Variants in DNTTIP2 observed in about 807,000 individuals in gnomAD.
DNTTIP2 encodes deoxynucleotidyltransferase terminal interacting protein 2.
DNTTIP2 carries 47 observed loss-of-function variants against 62.4 expected under a neutral mutation model. The ratio of observed to expected loss-of-function variants is 0.75; its 90% CI spans 0.60 to 0.96. The LOEUF is 0.96. Among genes scored for constraint, DNTTIP2 ranks in the 40% least tolerant of loss-of-function variants. The probability of loss-of-function intolerance (pLI) is 0.00; values close to 1 mark genes in which losing one functional copy is unlikely to be tolerated. For synonymous variants in DNTTIP2, 322 were observed against 300.9 expected (o/e 1.07, Z -0.73); for missense variants, 870 against 849.1 (o/e 1.02, Z -0.31).
chr1:93,871,805 C>A (rs1655869550), intron 5 of DNTTIP2, among the ~76,000 whole-genome samples: 1 of 152,184 alleles, frequency 6.6e-6, no homozygotes, highest in African/African-American at 2.4e-5. Flanking sequence ...ACTATTCATA[C>A]ATTCACATAG....
At chr1:93,875,023 A>G (rs915883223) in intron 3 of DNTTIP2, among the ~76,000 whole-genome samples, 2 of 152,226 alleles carry the variant, frequency 1.3e-5, no homozygotes, top group African/African-American at 4.8e-5. Context: ...AGCCAGAAAA[A>G]AGAATACAAG....
chr1:93,872,160 T>C lies in DNTTIP2; in HGVS notation c.1979A>G (p.Asp660Gly). The C allele has an allele frequency of 6.2e-7, 1 of 1,613,906 alleles. No homozygotes were observed. Among genetic ancestry groups the C allele is most frequent in the Non-Finnish European group, 8.5e-7 (1 of 1,179,822 alleles). The change falls in exon 5 of 7, where the codon GAT (aspartate) becomes GGT (glycine). Residue 660 changes from aspartate to glycine, a missense_variant. Transcript: ENST00000436063. ...GGCTCTCATCTTCAGTGCTTTGAGA[T>C]CATTTTTCAGTTCATTTGTCATTTC... ...APEMTNELKN[D>G]LKALKMRASM...
In DNTTIP2 at chr1:93,877,809, A is replaced by G; in HGVS notation, c.126T>C (p.Asp42=). The G allele has an allele frequency of 6.2e-7, 1 of 1,606,580 alleles. No individual in the cohort carries two copies. The highest frequency in any genetic ancestry group is 8.5e-7 in the Non-Finnish European group (1 of 1,179,860). ...QAHPESSTGS[D]ARTTAESQTT... ...TCTGTGATTCAGCAGTAGTTCGGGC[A>G]TCAGATCCAGTACTACTTTCTGGAT... Residue 42 remains aspartate, a synonymous_variant, in exon 2 of 7, where the codon GAT becomes GAC. Transcript: ENST00000436063.
In DNTTIP2 at chr1:93,877,133, C is replaced by A; in HGVS notation, c.802G>T (p.Asp268Tyr). Residue 268 changes from aspartate to tyrosine, a missense_variant, in exon 2 of 7, where the codon GAT (aspartate) becomes TAT (tyrosine). Transcript: ENST00000436063. ...PNFYNNDFDDDFSHRSSENIL... is the reference protein window; with the variant it reads ...PNFYNNDFDDYFSHRSSENIL... ...TTTTCTGAACTTCTGTGGGAGAAAT[C>A]ATCATCAAAGTCATTATTATAGAAA... The A allele has an allele frequency of 6.2e-7, 1 of 1,611,970 alleles. No individual in the cohort carries two copies. The highest frequency in any genetic ancestry group is 1.1e-5 in the South Asian group (1 of 91,036).
intron 6 of DNTTIP2, among the ~76,000 whole-genome samples, chr1:93,870,173 T>G (rs1475424690): frequency 6.6e-6 from 1 of 152,172 alleles, no homozygotes; most frequent in Non-Finnish European, 1.5e-5. Flanking sequence ...ATGATCTATA[T>G]ATGCACTATA....
chr1:93,876,585 G>C lies in DNTTIP2; in HGVS notation c.1350C>G (p.Ser450Arg). Reference sequence around the variant, plus strand: ...CATTCTCACTGTTTTCAGACTGTTGGCTTTCATCACTGCTGAGAACTAGTA... The same window carrying C: ...CATTCTCACTGTTTTCAGACTGTTGCCTTTCATCACTGCTGAGAACTAGTA... ...SVLLVLSSDE[S>R]QQSENSENEE... Residue 450 changes from serine (S) to arginine (R), a missense_variant, in exon 2 of 7, where the codon AGC becomes AGG. Physicochemically the swap from Ser to Arg is moderately radical, Grantham distance 110. Transcript: ENST00000436063. 6.2e-7 allele frequency: 1 copy of C among 1,613,962 alleles called. No individual in the cohort carries two copies. Among genetic ancestry groups the C allele is most frequent in the Non-Finnish European group, 8.5e-7 (1 of 1,179,888 alleles).
rs536281712 is a variant in DNTTIP2, at chr1:93,868,316, A to C, written c.*1535T>G. On this transcript the variant is annotated 3_prime_UTR_variant, in exon 7 of 7. Transcript: ENST00000436063. The stretch of plus-strand genomic sequence containing the variant: ...ATGAGATACCATCTCATTGCCAGTT[A>C]GAATGGCAATCATTAAAAAGTCAGG... The C allele has an allele frequency of 6.6e-6, 1 of 152,322 alleles. No homozygotes were observed. The highest frequency in any genetic ancestry group is 2.1e-4 in the South Asian group (1 of 4,820). 9.4% of individuals were successfully genotyped at this position (152,322 alleles called of 1,614,324 possible).
chr1:93,877,386 T>C lies in DNTTIP2; in HGVS notation c.549A>G (p.Ile183Met), dbSNP rs369197742. The C allele has an allele frequency of 7.4e-6, 12 of 1,613,770 alleles. No homozygotes were observed. In the African/African-American group the frequency reaches 1.5e-4, roughly 20 times the overall value. ...CTGAGCTTGATGTCTCAGCATCAGA[T>C]ATAGCTTCTGTATGAGATTCTTGGC... ...DPSQESHTEA[I>M]SDAETSSSDI... The change falls in exon 2 of 7, where the codon ATA (isoleucine) becomes ATG (methionine). Residue 183 changes from isoleucine to methionine, a missense_variant. Physicochemically the swap from Ile to Met is conservative, Grantham distance 10. Transcript: ENST00000436063.
Position 93,877,488 on chromosome 1 carries a change from A to C in DNTTIP2, c.447T>G (p.Gly149=), listed in dbSNP as rs1656041659. Residue 149 remains glycine (G), a synonymous_variant, in exon 2 of 7, where the codon GGT becomes GGG. Transcript: ENST00000436063. ...IVSEAESHVS[G]ISRIVLPTEK... ...CTGTAGGAAGCACAATTCTAGAAAT[A>C]CCTGAAACATGAGATTCTGCTTCAG... 6.2e-7 allele frequency: 1 copy of C among 1,613,798 alleles called. No individual in the cohort carries two copies. The highest frequency in any genetic ancestry group is 1.3e-5 in the African/African-American group (1 of 74,908).
chr1:93,879,139 T>C lies in DNTTIP2; in HGVS notation c.10A>G (p.Thr4Ala). 3 of 1,613,154 alleles carry C rather than the reference T, an allele frequency of 1.9e-6. No homozygotes were observed. Among genetic ancestry groups the C allele is most frequent in the South Asian group, 2.2e-5 (2 of 91,068 alleles). Residue 4 changes from threonine to alanine, a missense_variant, in exon 1 of 7, where the codon ACC (threonine) becomes GCC (alanine). Thr to Ala is a moderately conservative substitution (Grantham distance 58, BLOSUM62 0). Coordinates refer to ENST00000436063, the MANE Select transcript of DNTTIP2 (RefSeq NM_014597.5). MVV[T>A]RSARAKASIQ... ...CTGGCCTTAGCCCGTGCAGATCTGG[T>C]AACCACCATCTTTCCGGCTCCCTCG... is the stretch of plus-strand genomic sequence containing the variant.
intron 1 of DNTTIP2, chr1:93,878,840 C>G: frequency 1.9e-6 from 1 of 525,138 alleles, no homozygotes; most frequent in Non-Finnish European, 3.4e-6. Context: ...AGTTGAACGA[C>G]CCAAATAAAG....
rs1174683711 is a variant in DNTTIP2, at chr1:93,877,464, T to C, written c.471A>G (p.Thr157=). Residue 157 remains threonine (T), a synonymous_variant, in exon 2 of 7, where the codon ACA becomes ACG. Transcript: ENST00000436063. ...TTCTTCTGGCTCCTGTAGTTTTTTC[T>C]GTAGGAAGCACAATTCTAGAAATAC... ...VSGISRIVLP[T]EKTTGARRSK... 6.2e-6 allele frequency: 10 copies of C among 1,613,922 alleles called. No homozygotes were observed. The highest frequency in any genetic ancestry group is 6.8e-6 in the Non-Finnish European group (8 of 1,179,866).
At position 93,876,308 on chromosome 1, in the gene DNTTIP2, T is replaced by C; in HGVS notation, c.1627A>G (p.Ser543Gly). Residue 543 changes from serine (S) to glycine (G), a missense_variant, in exon 2 of 7, where the codon AGT (serine) becomes GGT (glycine). Ser to Gly is a moderately conservative substitution (Grantham distance 56, BLOSUM62 0). Transcript: ENST00000436063. The part of the protein sequence containing the change: ...SDHDENEDEF[S>G]DEEDFLNSTK... The stretch of plus-strand genomic sequence containing the variant: ...CTATTTAGGAAGTCTTCTTCATCAC[T>C]AAACTCATCTTCATTTTCGTCATGG... The C allele has an allele frequency of 6.4e-7, 1 of 1,550,864 alleles. No homozygotes were observed.
In DNTTIP2 at chr1:93,868,911, T is replaced by C. The variant is rs1476542314; in HGVS notation, c.*940A>G. The C allele has an allele frequency of 6.6e-6, 1 of 151,880 alleles. No homozygotes were observed. The highest frequency in any genetic ancestry group is 1.5e-5 in the Non-Finnish European group (1 of 68,016). The allele number at this position is 151,880 out of a possible 1,614,324, so 9.4% of individuals were successfully genotyped here. A position where few individuals can be genotyped will look rare whatever the true frequency, so the allele number is the denominator to read the frequency against. Reference sequence around the variant, plus strand: ...GAAATACCTAATGTAGATAGGTTGATGGGTGCAGCAAACCACCATGGCACG... The same window carrying C: ...GAAATACCTAATGTAGATAGGTTGACGGGTGCAGCAAACCACCATGGCACG... On this transcript the variant is annotated 3_prime_UTR_variant, in exon 7 of 7. Coordinates refer to ENST00000436063, the MANE Select transcript of DNTTIP2 (RefSeq NM_014597.5).
At chr1:93,870,587 AT>A (rs146863861) in intron 6 of DNTTIP2, 95 bp downstream of exon 6, 1 of 600,016 alleles carries the variant, frequency 1.7e-6, no homozygotes, top group Non-Finnish European at 2.7e-6. Context: ...ATGGGTTATT[AT>A]AAATGAGTTA....
chr1:93,876,612 G>A lies in DNTTIP2; in HGVS notation c.1323C>T (p.Val441=). The A allele has an allele frequency of 6.2e-7, 1 of 1,613,926 alleles. No individual in the cohort carries two copies. The highest frequency in any genetic ancestry group is 1.3e-5 in the African/African-American group (1 of 75,052). The change falls in exon 2 of 7, where the codon GTC becomes GTT. Residue 441 remains valine, a synonymous_variant. Transcript: ENST00000436063. The stretch of plus-strand genomic sequence containing the variant: ...TTTCATCACTGCTGAGAACTAGTAA[G>A]ACAGAATTATCTTTACCCTGAGATG... ...PNTSQGKDNS[V]LLVLSSDESQ...
At chr1:93,874,191 T>C (rs11165028) in intron 3 of DNTTIP2, among the ~76,000 whole-genome samples, 1 of 152,228 alleles carries the variant, frequency 6.6e-6, no homozygotes, top group South Asian at 2.1e-4. Context: ...GGTTCTCAAC[T>C]GGGAGCATCT....
rs1248317779 is a variant in DNTTIP2, at chr1:93,868,545, CA to C, written c.*1305del. On this transcript the variant is annotated 3_prime_UTR_variant, in exon 7 of 7. Transcript: ENST00000436063. ...TCATTCTACTATAAAGACACATACA[CA>C]AGTATGTTTACTGTGGCACTGTTCA... 6.6e-6 allele frequency: 1 copy of C among 152,142 alleles called. No individual in the cohort carries two copies. The highest frequency in any genetic ancestry group is 1.5e-5 in the Non-Finnish European group (1 of 68,032). The allele number at this position is 152,142 out of a possible 1,614,324, so 9.4% of individuals were successfully genotyped here.
intron 1 of DNTTIP2, chr1:93,878,815 G>A: frequency 2.2e-6 from 1 of 452,922 alleles, no homozygotes; most frequent in South Asian, 3.4e-5. Flanking sequence ...TTCGAACTGT[G>A]CTTCTGCATT....
Sources: allele counts gnomAD v4.1 joint callset (sites outside exome capture counted in the v4.1 genomes callset), GRCh38; gene constraint gnomAD v4.1.1; transcripts MANE v1.5; gene names NCBI Gene and HGNC (gene_info 2026-07-23, HGNC 2026-07-21).